Variants in PAX5 observed in about 807,000 individuals in gnomAD.
The protein encoded by PAX5 is paired box 5.
PAX5 carries 9 observed loss-of-function variants against 43.7 expected under a neutral mutation model. The ratio of observed to expected loss-of-function variants is 0.21; its 90% CI spans 0.12 to 0.36. PAX5 has a LOEUF of 0.36. PAX5 is among the 10% of genes least tolerant of loss of function. The probability of loss-of-function intolerance (pLI) is 1.00; values close to 1 mark genes in which losing one functional copy is unlikely to be tolerated. For synonymous variants in PAX5, 228 were observed against 214.3 expected (o/e 1.06, Z -0.56); for missense variants, 383 against 532.7 (o/e 0.72, Z 2.77).
intron 8 of PAX5, among the ~76,000 whole-genome samples, chr9:36,872,123 T>A (rs745644327): frequency 6.6e-6 from 1 of 152,200 alleles, no homozygotes; most frequent in Non-Finnish European, 1.5e-5. Context: ...AAGCCAGCCC[T>A]GGCCTGCCCC....
chr9:36,849,818 TG>T (rs1023976757), intron 8 of PAX5, among the ~76,000 whole-genome samples: 6 of 152,292 alleles, frequency 3.9e-5, no homozygotes, highest in Non-Finnish European at 8.8e-5. Context: ...CAATACGCTC[TG>T]GGTAAGGGGC....
chr9:37,013,550 A>G (rs1168786336), intron 3 of PAX5, among the ~76,000 whole-genome samples: 2 of 152,164 alleles, frequency 1.3e-5, no homozygotes, highest in Non-Finnish European at 2.9e-5. Context: ...AAAGAGCCAG[A>G]AGTAAGGGGC....
intron 1 of PAX5, chr9:37,026,734 C>A: frequency 1.0e-6 from 1 of 985,360 alleles, no homozygotes; most frequent in Non-Finnish European, 1.2e-6. Context: ...AGCCTCCCTG[C>A]TGGAGACCGC....
At chr9:36,856,128 A>G (rs993533343) in intron 8 of PAX5, among the ~76,000 whole-genome samples, 7 of 152,210 alleles carry the variant, frequency 4.6e-5, no homozygotes, top group African/African-American at 1.7e-4. Flanking sequence ...CCCCACCCCC[A>G]GCACAGGGCT....
chr9:36,939,933 G>A (rs541666646), intron 6 of PAX5, among the ~76,000 whole-genome samples: 2 of 152,312 alleles, frequency 1.3e-5, no homozygotes, highest in South Asian at 4.2e-4. Flanking sequence ...CCCTCGACGC[G>A]GGGCCTCACT....
intron 6 of PAX5, among the ~76,000 whole-genome samples, chr9:36,944,261 G>A (rs552489351): frequency 3.9e-5 from 6 of 152,150 alleles, no homozygotes; most frequent in Non-Finnish European, 5.9e-5. Flanking sequence ...ATGTCAACAT[G>A]TGCCACATGT....
At chr9:37,031,369 A>G (rs184203121) in intron 1 of PAX5, among the ~76,000 whole-genome samples, 1 of 152,178 alleles carries the variant, frequency 6.6e-6, no homozygotes, top group African/African-American at 2.4e-5. Flanking sequence ...ATGAAGCTTC[A>G]TGGATGGGGG....
intron 6 of PAX5, among the ~76,000 whole-genome samples, chr9:36,956,426 C>T (rs888566366): frequency 6.6e-6 from 1 of 152,194 alleles, no homozygotes; most frequent in African/African-American, 2.4e-5. Flanking sequence ...TGTTTTATCA[C>T]TCACAGAATG....
intron 8 of PAX5, 73 bp downstream of exon 8, chr9:36,881,931 T>G: frequency 1.8e-6 from 2 of 1,099,050 alleles, no homozygotes; most frequent in Non-Finnish European, 2.7e-6. Context: ...ACCCAGGCTG[T>G]TTGGGGGGGG....
chr9:36,925,280 T>C (rs962340941), intron 6 of PAX5, among the ~76,000 whole-genome samples: 2 of 152,178 alleles, frequency 1.3e-5, no homozygotes, highest in Non-Finnish European at 2.9e-5. Context: ...CAGGGCTCTT[T>C]GATCCTCATT....
At chr9:36,840,664 G>T (rs757965870) in intron 9 of PAX5, 28 bp from the exon 10 acceptor site, 1 of 1,466,340 alleles carries the variant, frequency 6.8e-7, no homozygotes. Flanking sequence ...GAGCACCGAG[G>T]TCAGATCCGG....
chr9:36,859,278 C>G (rs1234577405), intron 8 of PAX5, among the ~76,000 whole-genome samples: 1 of 152,166 alleles, frequency 6.6e-6, no homozygotes, highest in Non-Finnish European at 1.5e-5. Flanking sequence ...TACTTGCAAC[C>G]CTGGGAGGCT....
chr9:36,927,749 C>T (rs1413079968), intron 6 of PAX5, among the ~76,000 whole-genome samples: 1 of 150,964 alleles, frequency 6.6e-6, no homozygotes, highest in Non-Finnish European at 1.5e-5. Flanking sequence ...TGCTCTGTCA[C>T]CCAGGCTGGT....
At chr9:36,937,605 A>G (rs1359458792) in intron 6 of PAX5, among the ~76,000 whole-genome samples, 1 of 152,142 alleles carries the variant, frequency 6.6e-6, no homozygotes, top group African/African-American at 2.4e-5. Context: ...ACCTCTTTAG[A>G]TAACCCACCT....
In PAX5 at chr9:36,859,859, C is replaced by T. The variant is rs576261077; in HGVS notation, c.1013-12930G>A. On this transcript the variant is annotated intron_variant, in intron 8 of 9. Transcript: ENST00000358127. ...ACCATCCTGGCTAACACGGTGAAAC[C>T]CCACCTCTACTAAAAATACAAAAAA... Among the ~76,000 whole-genome samples the T allele has an allele frequency of 7.9e-5, 12 of 151,980 alleles. No homozygotes were observed. The East Asian group carries it at 2.1e-3, about 27-fold the overall frequency.
chr9:36,869,843 G>T (rs1302226516), intron 8 of PAX5, among the ~76,000 whole-genome samples: 2 of 123,452 alleles, frequency 1.6e-5, no homozygotes, highest in East Asian at 5.2e-4. Flanking sequence ...TGGATGGATG[G>T]ATAAATGGAT....
At chr9:36,916,693 C>G (rs1291395379) in intron 7 of PAX5, among the ~76,000 whole-genome samples, 5 of 151,688 alleles carry the variant, frequency 3.3e-5, no homozygotes, top group Admixed American at 2.6e-4. Flanking sequence ...ATTATGTTTT[C>G]TCTTTTTTTG....
At chr9:36,925,359 G>A (rs1830565594) in intron 6 of PAX5, among the ~76,000 whole-genome samples, 1 of 152,160 alleles carries the variant, frequency 6.6e-6, no homozygotes, top group African/African-American at 2.4e-5. Context: ...TCCTTCTAAG[G>A]GAGAAGAACA....
chr9:36,974,452 G>A lies in PAX5; in HGVS notation c.605-7728C>T, dbSNP rs181102750. Among the ~76,000 whole-genome samples, 5 of 152,286 alleles carry A rather than the reference G, an allele frequency of 3.3e-5. No individual in the cohort carries two copies. In the East Asian group the frequency reaches 9.6e-4, roughly 29 times the overall value. On this transcript the variant is annotated intron_variant, in intron 5 of 9. Coordinates refer to ENST00000358127, the MANE Select transcript of PAX5 (RefSeq NM_016734.3). ...CCTTCAGAACATCTCTATGAAGTATGTATTCTTATTCCACTTTACAGATGA... is the reference window on the plus strand; with the variant it reads ...CCTTCAGAACATCTCTATGAAGTATATATTCTTATTCCACTTTACAGATGA...
Sources: gnomAD v4.1 joint callset for allele counts (sites outside exome capture counted in the v4.1 genomes callset) on GRCh38, gnomAD v4.1.1 for gene constraint, MANE v1.5 for transcripts, NCBI Gene and HGNC (gene_info 2026-07-23, HGNC 2026-07-21) for gene names.